RANBP2: variants seen among roughly 807,000 people sequenced by gnomAD.
RANBP2 encodes E3 SUMO-protein ligase RanBP2.
Under a neutral mutation model 303.6 loss-of-function variants are expected in RANBP2, and 57 were observed. The ratio of observed to expected loss-of-function variants is 0.19; its 90% CI spans 0.15 to 0.23. The LOEUF (loss-of-function observed/expected upper bound fraction) is 0.23. Ranked by LOEUF, RANBP2 falls within the 10% of genes least tolerant of loss-of-function variation. The pLI is 1.00. For missense variants in RANBP2, 3,138 were observed against 3,780.8 expected (o/e 0.83, Z 4.46); for synonymous variants, 1,167 against 1,301.5 (o/e 0.90, Z 2.23).
chr2:109,496,007 G>T, the RANBP2 span, among the ~76,000 whole-genome samples: 1 of 152,170 alleles, frequency 6.6e-6, no homozygotes, highest in African/African-American at 2.4e-5. Flanking sequence ...ACAGACCTTC[G>T]CGGTGAAGAG....
the RANBP2 span, among the ~76,000 whole-genome samples, chr2:109,395,467 G>A: frequency 6.6e-6 from 1 of 152,176 alleles, no homozygotes; most frequent in Non-Finnish European, 1.5e-5. Context: ...GGATGCTGAA[G>A]CTTTGGATGA....
chr2:109,294,169 T>G, the RANBP2 span, among the ~76,000 whole-genome samples: 5 of 152,316 alleles, frequency 3.3e-5, no homozygotes, highest in Middle Eastern at 3.4e-3. Context: ...TTTCTTCCAC[T>G]GTTTCAAAGG....
chr2:109,162,608 G>T, the RANBP2 span, among the ~76,000 whole-genome samples: 130,919 of 152,172 alleles, frequency 0.86, 56,457 homozygotes, highest in African/African-American at 0.91. Context: ...TGCCACATTT[G>T]CTTAATCCAG....
chr2:109,061,493 C>A, the RANBP2 span, among the ~76,000 whole-genome samples: 1 of 152,054 alleles, frequency 6.6e-6, no homozygotes, highest in Non-Finnish European at 1.5e-5. Context: ...GGCAAGCCCT[C>A]AGGGCCCCTG....
At chr2:108,861,472 CTTTTTTTTTTTT>C in the RANBP2 span, among the ~76,000 whole-genome samples, 67 of 123,532 alleles carry the variant, frequency 5.4e-4, 1 homozygote, top group African/African-American at 2.3e-3. Context: ...AACTTTCTTC[CTTTTTTTTTTTT>C]TTTTTTTTTT....
the RANBP2 span, among the ~76,000 whole-genome samples, chr2:109,739,353 T>A: frequency 6.7e-6 from 1 of 148,350 alleles, no homozygotes; most frequent in South Asian, 2.2e-4. Context: ...TTAACAATAT[T>A]AATTCTTCTA....
the RANBP2 span, among the ~76,000 whole-genome samples, chr2:109,625,498 C>CA: frequency 0.36 from 48,249 of 133,246 alleles, 9,641 homozygotes; most frequent in Middle Eastern, 0.56. Context: ...ACTAAAAATA[C>CA]AAAAAAAAAA....
chr2:109,170,552 G>T, the RANBP2 span, among the ~76,000 whole-genome samples: 7 of 152,038 alleles, frequency 4.6e-5, no homozygotes, highest in East Asian at 7.7e-4. Context: ...CACTATGTTG[G>T]CCAGGATGGT....
chr2:108,845,883 T>C, the RANBP2 span, among the ~76,000 whole-genome samples: 1 of 152,230 alleles, frequency 6.6e-6, no homozygotes, highest in African/African-American at 2.4e-5. Context: ...ATTTTATTCT[T>C]AATAGATATA....
At chr2:109,308,900 G>A in the RANBP2 span, among the ~76,000 whole-genome samples, 3 of 79,302 alleles carry the variant, frequency 3.8e-5, no homozygotes, top group African/African-American at 1.0e-4. Flanking sequence ...TTGACTTGGT[G>A]ATGCGGGCCC....
chr2:109,150,925 A>C, the RANBP2 span, among the ~76,000 whole-genome samples: 1 of 152,234 alleles, frequency 6.6e-6, no homozygotes, highest in Non-Finnish European at 1.5e-5. Flanking sequence ...AAGAGCATTC[A>C]AATAAAGAAG....
chr2:109,071,673 CA>C, the RANBP2 span, among the ~76,000 whole-genome samples: 25 of 146,924 alleles, frequency 1.7e-4, no homozygotes, highest in Middle Eastern at 3.4e-3. Flanking sequence ...GACTCTATCT[CA>C]AAAAAAAAAA....
chr2:108,900,366 G>T, the RANBP2 span, among the ~76,000 whole-genome samples: 1 of 152,254 alleles, frequency 6.6e-6, no homozygotes, highest in African/African-American at 2.4e-5. Context: ...GACCAGCCTG[G>T]TCAACACGGT....
At chr2:109,191,677 G>A in the RANBP2 span, among the ~76,000 whole-genome samples, 1 of 152,156 alleles carries the variant, frequency 6.6e-6, no homozygotes, top group Non-Finnish European at 1.5e-5. Context: ...CAGTATAGCT[G>A]GGTGGTGTGA....
the RANBP2 span, among the ~76,000 whole-genome samples, chr2:109,018,571 T>C: frequency 6.6e-6 from 1 of 152,192 alleles, no homozygotes; most frequent in Non-Finnish European, 1.5e-5. Context: ...TGACCCCTGC[T>C]CTCCACTCCC....
intron 6 of RANBP2, among the ~76,000 whole-genome samples, chr2:108,739,129 G>A (rs1573727748): frequency 1.3e-5 from 2 of 152,022 alleles, no homozygotes; most frequent in East Asian, 1.9e-4. Flanking sequence ...TCAGCGGGGC[G>A]CGGTGGCTCA....
At chr2:109,665,977 G>A in the RANBP2 span, among the ~76,000 whole-genome samples, 1 of 151,926 alleles carries the variant, frequency 6.6e-6, no homozygotes, top group Non-Finnish European at 1.5e-5. Context: ...TGGGTGTGGT[G>A]GTGGGTGCCT....
the RANBP2 span, among the ~76,000 whole-genome samples, chr2:109,185,648 G>A: frequency 4.3e-4 from 66 of 152,288 alleles, no homozygotes; most frequent in African/African-American, 1.6e-3. Context: ...ACAGCCCTCA[G>A]ACACTCCTGG....
the RANBP2 span, among the ~76,000 whole-genome samples, chr2:109,629,345 ATATATATATATTT>A: frequency 2.9e-3 from 19 of 6,628 alleles, no homozygotes; most frequent in African/African-American, 2.1e-3. Context: ...ATATATATAT[ATATATATATATTT>A]TTTTTTTTTT....
Sources: allele counts gnomAD v4.1 joint callset (sites outside exome capture counted in the v4.1 genomes callset), GRCh38; gene constraint gnomAD v4.1.1; transcripts MANE v1.5; gene names NCBI Gene and HGNC (gene_info 2026-07-23, HGNC 2026-07-21).